Variants in SVBP observed in about 807,000 individuals in gnomAD.
The protein encoded by SVBP is small vasohibin-binding protein.
A neutral mutation model predicts 9.2 loss-of-function variants in SVBP; 9 were observed. The observed-to-expected ratio is 0.98, with a 90% CI of 0.59 to 1.71. The LOEUF is 1.71. Among genes scored for constraint, SVBP ranks in the 40% most tolerant of loss-of-function variants. SVBP has a pLI of 0.00. For missense variants in SVBP, 63 were observed against 73.2 expected, an observed-to-expected ratio of 0.86 and a Z score of 0.51; for synonymous variants, 27 against 23.9, an observed-to-expected ratio of 1.13 and a Z score of -0.37.
chr1:42,815,248 T>C (rs1654173184), intron 2 of SVBP, among the ~76,000 whole-genome samples: 1 of 147,312 alleles, frequency 6.8e-6, no homozygotes, highest in African/African-American at 2.5e-5. Flanking sequence ...GGGAAAGCAT[T>C]AGGAGATATA....
chr1:42,816,624 CA>C lies in SVBP; in HGVS notation c.-36-45del, dbSNP rs1334081156. 1.6e-5 allele frequency: 15 copies of C among 958,044 alleles called. No individual in the cohort carries two copies. In the Admixed American group the frequency reaches 2.5e-4, roughly 16 times the overall value. The allele number at this position is 958,044 out of a possible 1,614,324, so 59.3% of individuals were successfully genotyped here. On this transcript the variant is annotated intron_variant, in intron 1 of 2. Transcript: ENST00000372521. Reference sequence around the variant, plus strand: ...GGCAGATCTTCAAAACAAAACAAAACAAAAAATACCCTGCCAGTTACTCCTC... The same window carrying C: ...GGCAGATCTTCAAAACAAAACAAAACAAAAATACCCTGCCAGTTACTCCTC...
At chr1:42,811,789 A>G (rs1654089711) in intron 2 of SVBP, among the ~76,000 whole-genome samples, 1 of 152,178 alleles carries the variant, frequency 6.6e-6, no homozygotes, top group African/African-American at 2.4e-5. Context: ...GGATTTATGG[A>G]GGAGCTGAGA....
chr1:42,807,533 A>C, intron 2 of SVBP, 33 bp from the exon 3 acceptor site: 1 of 1,531,230 alleles, frequency 6.5e-7, no homozygotes, highest in Non-Finnish European at 9.0e-7. Context: ...TCTGTTAGCA[A>C]TGGAAGCAGC....
chr1:42,817,331 C>T lies in SVBP; in HGVS notation c.-178G>A. ...CCTCGTCCTGGGCGGGGCCGCGCGC[C>T]GGGGGGAGGGGCGCAGGGCCGAGCG... On this transcript the variant is annotated 5_prime_UTR_variant, in exon 1 of 3. Coordinates refer to ENST00000372521, the MANE Select transcript of SVBP (RefSeq NM_199342.4). The T allele has an allele frequency of 4.7e-6, 5 of 1,053,214 alleles. No homozygotes were observed. Among genetic ancestry groups the T allele is most frequent in the South Asian group, 4.7e-5 (3 of 63,724 alleles). The allele number at this position is 1,053,214 out of a possible 1,614,324, so 65.2% of individuals were successfully genotyped here.
chr1:42,812,754 AAAG>A (rs761936732), intron 2 of SVBP, among the ~76,000 whole-genome samples: 14 of 152,232 alleles, frequency 9.2e-5, no homozygotes, highest in Non-Finnish European at 1.6e-4. Flanking sequence ...TGCTTTTGCA[AAAG>A]TAGTTGCAAG....
chr1:42,815,585 AGAAT>A (rs1465919993), intron 2 of SVBP, among the ~76,000 whole-genome samples: 1 of 152,142 alleles, frequency 6.6e-6, no homozygotes. Context: ...CATCTCTGTA[AGAAT>A]GAATAAATAT....
At chr1:42,815,940 T>C (rs1654193283) in intron 2 of SVBP, among the ~76,000 whole-genome samples, 1 of 152,256 alleles carries the variant, frequency 6.6e-6, no homozygotes. Context: ...AAAATACTTA[T>C]GTCTGTATGT....
intron 2 of SVBP, among the ~76,000 whole-genome samples, chr1:42,815,111 C>T (rs1455301783): frequency 6.6e-6 from 1 of 150,592 alleles, no homozygotes. Context: ...AGCAAACTAT[C>T]GTAAGAACAA....
Position 42,817,297 on chromosome 1 carries a change from C to A in SVBP, c.-144G>T. On this transcript the variant is annotated 5_prime_UTR_variant, in exon 1 of 3. Coordinates refer to ENST00000372521, the MANE Select transcript of SVBP (RefSeq NM_199342.4). ...CGACCACTGGACCCAGCGCTGCCTG[C>A]CCACCGCCCCTCGTCCTGGGCGGGG... 8.4e-7 allele frequency: 1 copy of A among 1,196,284 alleles called. No homozygotes were observed. Among genetic ancestry groups the A allele is most frequent in the Non-Finnish European group, 1.1e-6 (1 of 929,826 alleles). 74.1% of individuals were successfully genotyped at this position (1,196,284 alleles called of 1,614,324 possible).
At chr1:42,817,084 GCCCGCCCGGC>G in intron 1 of SVBP, 96 bp downstream of exon 1, 1 of 340,042 alleles carries the variant, frequency 2.9e-6, no homozygotes, top group Non-Finnish European at 4.2e-6. Context: ...CCCCGCCCCG[GCCCGCCCGGC>G]CCCAGGGGAC....
chr1:42,817,338 AG>A lies in SVBP; in HGVS notation c.-186del. 1 of 958,338 alleles carries A rather than the reference AG, an allele frequency of 1.0e-6. No homozygotes were observed. Among genetic ancestry groups the A allele is most frequent in the Non-Finnish European group, 1.4e-6 (1 of 739,302 alleles). The allele number at this position is 958,338 out of a possible 1,614,324, so 59.4% of individuals were successfully genotyped here. On this transcript the variant is annotated 5_prime_UTR_variant, in exon 1 of 3. Transcript: ENST00000372521. ...CTGGGCGGGGCCGCGCGCCGGGGGGAGGGGCGCAGGGCCGAGCGCCAGGAGG... is the reference window on the plus strand; with the variant it reads ...CTGGGCGGGGCCGCGCGCCGGGGGGAGGGCGCAGGGCCGAGCGCCAGGAGG...
intron 2 of SVBP, among the ~76,000 whole-genome samples, chr1:42,811,733 G>A (rs886162710): frequency 2.0e-5 from 3 of 152,164 alleles, no homozygotes; most frequent in Admixed American, 6.5e-5. Flanking sequence ...TGAACTGGGG[G>A]TTCAGAGAGG....
At chr1:42,813,086 G>A (rs1485496215) in intron 2 of SVBP, among the ~76,000 whole-genome samples, 2 of 152,060 alleles carry the variant, frequency 1.3e-5, no homozygotes, top group African/African-American at 4.8e-5. Flanking sequence ...TTTAAATAAC[G>A]CAGAAAAATA....
chr1:42,808,816 C>T (rs998343983), intron 2 of SVBP, among the ~76,000 whole-genome samples: 1 of 152,070 alleles, frequency 6.6e-6, no homozygotes, highest in African/African-American at 2.4e-5. Context: ...CCTGCATCAG[C>T]CTCCCAAGTA....
intron 2 of SVBP, among the ~76,000 whole-genome samples, chr1:42,810,441 C>CG (rs1360397897): frequency 1.3e-5 from 2 of 151,994 alleles, no homozygotes; most frequent in Non-Finnish European, 2.9e-5. Flanking sequence ...CCACTGTGCC[C>CG]GGGCCCACAT....
At position 42,807,159 on chromosome 1, in the gene SVBP, T is replaced by TG; in HGVS notation, c.*254_*255insC. ...AAAAGTGTTTTTTGTGTGTGTTTTT[T>TG]TTTTTTTTTTAAAAAAACCCAAAAA... On this transcript the variant is annotated 3_prime_UTR_variant, in exon 3 of 3. Transcript: ENST00000372521. 3.5e-6 allele frequency: 1 copy of TG among 288,828 alleles called. No individual in the cohort carries two copies. The highest frequency in any genetic ancestry group is 6.3e-6 in the Non-Finnish European group (1 of 157,504). 17.9% of individuals were successfully genotyped at this position (288,828 alleles called of 1,614,324 possible). A position where few individuals can be genotyped will look rare whatever the true frequency, so the allele number is the denominator to read the frequency against.
At chr1:42,814,774 T>C (rs1337295956) in intron 2 of SVBP, among the ~76,000 whole-genome samples, 5 of 152,336 alleles carry the variant, frequency 3.3e-5, no homozygotes, top group Middle Eastern at 3.4e-3. Context: ...TTGGTGGGAC[T>C]GTAAACTAGT....
chr1:42,809,378 C>G (rs1654031908), intron 2 of SVBP, among the ~76,000 whole-genome samples: 1 of 151,790 alleles, frequency 6.6e-6, no homozygotes, highest in Admixed American at 6.6e-5. Context: ...AAAAAGCAAC[C>G]AAACCTACAA....
At position 42,816,921 on chromosome 1, in the gene SVBP, C is replaced by G; in HGVS notation, c.-37+269G>C. ...CCACTGTGCGGCGTGCGGCACCCAG[C>G]GCGGAACCGTCCTAATGGGACGCTG... On this transcript the variant is annotated intron_variant, in intron 1 of 2. Transcript: ENST00000372521. The G allele has an allele frequency of 2.8e-5, 5 of 179,838 alleles. 1 individual carries two copies. The South Asian group carries it at 5.2e-4, about 19-fold the overall frequency. 11.1% of individuals were successfully genotyped at this position (179,838 alleles called of 1,614,324 possible). A position where few individuals can be genotyped will look rare whatever the true frequency, so the allele number is the denominator to read the frequency against.
Sources: allele counts gnomAD v4.1 joint callset (sites outside exome capture counted in the v4.1 genomes callset), GRCh38; gene constraint gnomAD v4.1.1; transcripts MANE v1.5; gene names NCBI Gene and HGNC (gene_info 2026-07-23, HGNC 2026-07-21).